SVIL: variants seen among roughly 807,000 people sequenced by gnomAD.
The protein encoded by SVIL is supervillin.
Under a neutral mutation model 240.4 loss-of-function variants are expected in SVIL, and 101 were observed. That is an observed-to-expected ratio of 0.42 (90% CI 0.36 to 0.50). The LOEUF (loss-of-function observed/expected upper bound fraction) is 0.50, where lower values mean the gene tolerates loss of function less well. SVIL is among the 20% of genes least tolerant of loss of function. SVIL has a pLI of 0.01. For missense variants in SVIL, 2,512 were observed against 2,818.7 expected (o/e 0.89, Z 2.46); for synonymous variants, 999 against 1,100.0 (o/e 0.91, Z 1.82).
chr10:29,634,717 T>A lies in SVIL; in HGVS notation c.-498A>T, dbSNP rs1183442161. On this transcript the variant is annotated 5_prime_UTR_variant, in exon 1 of 38. Transcript: ENST00000355867. ...CGATGATGATTCAGAACAGGATAAA[T>A]TTAGAATGGTGTTTTCCAAAAGGCT... The A allele has an allele frequency of 6.6e-6, 1 of 152,190 alleles. No individual in the cohort carries two copies. 9.4% of individuals were successfully genotyped at this position (152,190 alleles called of 1,614,324 possible). A position where few individuals can be genotyped will look rare whatever the true frequency, so the allele number is the denominator to read the frequency against.
intron 1 of SVIL, among the ~76,000 whole-genome samples, chr10:29,727,914 A>G (rs1462146095): frequency 6.6e-6 from 1 of 152,188 alleles, no homozygotes; most frequent in Non-Finnish European, 1.5e-5. Flanking sequence ...AGAACCTCCA[A>G]CTACCATCCT....
chr10:29,465,603 G>T lies in SVIL; in HGVS notation c.6125C>A (p.Pro2042His), dbSNP rs762876101. 1.2e-6 allele frequency: 2 copies of T among 1,609,458 alleles called. No homozygotes were observed. Among genetic ancestry groups the T allele is most frequent in the Non-Finnish European group, 1.7e-6 (2 of 1,177,562 alleles). The change falls in exon 34 of 38, where the codon CCC becomes CAC. Residue 2042 changes from proline to histidine, a missense_variant. Pro to His is a moderately conservative substitution (Grantham distance 77). Around this residue, in one of 3 missense-constraint regions of SVIL, gnomAD observed 797 missense variants for 925.3 expected, o/e 0.86. Transcript: ENST00000355867. ...PFLQEDLYSAPQPALFLVDNH... is the reference protein window; with the variant it reads ...PFLQEDLYSAHQPALFLVDNH... ...CCCCCTGCAGGCCTTACCTGGCTGG[G>T]GCGCGCTGTACAGATCTTCCTGCAG...
chr10:29,510,166 A>G (rs1177472669), intron 17 of SVIL, among the ~76,000 whole-genome samples: 2 of 152,218 alleles, frequency 1.3e-5, no homozygotes, highest in South Asian at 2.1e-4. Context: ...TGTTGGGACT[A>G]CAGGCACGGC....
chr10:29,457,976 C>G lies in SVIL; in HGVS notation c.*271G>C. 1 of 281,946 alleles carries G rather than the reference C, an allele frequency of 3.5e-6. No homozygotes were observed. The highest frequency in any genetic ancestry group is 6.6e-5 in the East Asian group (1 of 15,150). 17.5% of individuals were successfully genotyped at this position (281,946 alleles called of 1,614,324 possible). On this transcript the variant is annotated 3_prime_UTR_variant, in exon 38 of 38. Coordinates refer to ENST00000355867, the MANE Select transcript of SVIL (RefSeq NM_021738.3). ...AGCTGGAACAAGAAGGCAGTGCTAT[C>G]TATAGCAGCTGCGGCTTAAGTGCAC...
chr10:29,511,529 A>G (rs2007952579), intron 17 of SVIL, among the ~76,000 whole-genome samples: 1 of 152,032 alleles, frequency 6.6e-6, no homozygotes, highest in Non-Finnish European at 1.5e-5. Context: ...TCTTTTAAAT[A>G]AAGTTTGCGG....
At chr10:29,474,436 T>C (rs1945941971) in intron 29 of SVIL, among the ~76,000 whole-genome samples, 1 of 151,976 alleles carries the variant, frequency 6.6e-6, no homozygotes, top group African/African-American at 2.4e-5. Flanking sequence ...TCTAAAATAA[T>C]TTAAAGAAAT....
chr10:29,566,667 C>T (rs73596052), intron 2 of SVIL, among the ~76,000 whole-genome samples: 7,558 of 152,230 alleles, frequency 0.05, 599 homozygotes, highest in African/African-American at 0.17. Flanking sequence ...TTTTTTGGCT[C>T]ATCTGACGCT....
At chr10:29,590,164 T>G (rs1436733755) in intron 1 of SVIL, among the ~76,000 whole-genome samples, 1 of 35,996 alleles carries the variant, frequency 2.8e-5, no homozygotes, top group Non-Finnish European at 4.5e-5. Flanking sequence ...AGACTCCGTC[T>G]CAAAAAAAAA....
At chr10:29,510,244 C>G (rs909504751) in intron 17 of SVIL, among the ~76,000 whole-genome samples, 3 of 152,288 alleles carry the variant, frequency 2.0e-5, no homozygotes, top group African/African-American at 7.2e-5. Context: ...TGGCTGGAGC[C>G]CCTCAAATAT....
At chr10:29,602,450 C>T in intron 1 of SVIL, 1 of 294,394 alleles carries the variant, frequency 3.4e-6, no homozygotes, top group South Asian at 2.9e-5. Context: ...TACATACACT[C>T]TTCCATAAAA....
intron 1 of SVIL, among the ~76,000 whole-genome samples, chr10:29,708,520 C>T (rs964006923): frequency 1.3e-5 from 2 of 151,842 alleles, no homozygotes; most frequent in Non-Finnish European, 2.9e-5. Context: ...ACTTGGGTGG[C>T]TAAGGCAGGA....
At chr10:29,631,543 G>A (rs1036245038) in intron 1 of SVIL, among the ~76,000 whole-genome samples, 2 of 151,724 alleles carry the variant, frequency 1.3e-5, no homozygotes, top group African/African-American at 2.4e-5. Context: ...TTGGGAGGCC[G>A]AGGTGGGCAG....
chr10:29,508,264 A>C (rs1949525968), intron 17 of SVIL: 1 of 991,350 alleles, frequency 1.0e-6, no homozygotes. Context: ...CGAAGGAACC[A>C]CCCAGGATCA....
chr10:29,569,157 A>AAAC, intron 2 of SVIL, 98 bp downstream of exon 2: 1 of 497,036 alleles, frequency 2.0e-6, no homozygotes, highest in South Asian at 8.7e-5. Flanking sequence ...ACATATTGCC[A>AAAC]AACATTTAAA....
At position 29,701,387 on chromosome 10, in the gene SVIL, T is replaced by G. The variant is rs77457804; in HGVS notation, c.-399-14736A>C. ...GTTCCATCTGCAGCCAGCTTCATCA[T>G]TGGATTTTCCTATTATTCATGTCAA... On this transcript the variant is annotated intron_variant, in intron 1 of 35. Transcript: ENST00000375400. 2.4e-4 allele frequency among the ~76,000 whole-genome samples: 37 copies of G among 152,312 alleles called. 2 individuals are homozygous for G. The South Asian group carries it at 7.7e-3, about 32-fold the overall frequency.
intron 3 of SVIL, among the ~76,000 whole-genome samples, chr10:29,557,088 C>T (rs1204311469): frequency 6.6e-6 from 1 of 150,610 alleles, no homozygotes; most frequent in African/African-American, 2.4e-5. Context: ...CCTTTCTTTT[C>T]TTTTCTCCCC....
intron 2 of SVIL, among the ~76,000 whole-genome samples, chr10:29,659,042 C>T (rs552195206): frequency 4.6e-5 from 7 of 152,158 alleles, no homozygotes; most frequent in Non-Finnish European, 1.0e-4. Context: ...GAGGGGAAAC[C>T]CCACCTATGC....
intron 1 of SVIL, among the ~76,000 whole-genome samples, chr10:29,633,130 G>GGAGGT: frequency 1.3e-5 from 2 of 152,116 alleles, no homozygotes; most frequent in South Asian, 4.2e-4. Context: ...CAGTTACTTG[G>GGAGGT]GAGGTTGAGG....
Position 29,486,473 on chromosome 10 carries a change from T to G in SVIL, c.4570A>C (p.Asn1524His), listed in dbSNP as rs1947413125. ...TYIQTIEEGINTHTHAAKDFW... is the reference protein window; with the variant it reads ...TYIQTIEEGIHTHTHAAKDFW... ...TCTTTGGCTGCATGAGTGTGTGTATTAATTCCTTCTTCAATGGTTTGGATA... is the reference window on the plus strand; with the variant it reads ...TCTTTGGCTGCATGAGTGTGTGTATGAATTCCTTCTTCAATGGTTTGGATA... The change falls in exon 25 of 38, where the codon AAT becomes CAT. Residue 1524 changes from asparagine (N) to histidine (H), a missense_variant. This residue lies in a region of SVIL where 797 missense variants were observed against 925.3 expected (regional missense o/e 0.86). Coordinates refer to ENST00000355867, the MANE Select transcript of SVIL (RefSeq NM_021738.3). 6.2e-7 allele frequency: 1 copy of G among 1,614,106 alleles called. No individual in the cohort carries two copies. Among genetic ancestry groups the G allele is most frequent in the Non-Finnish European group, 8.5e-7 (1 of 1,180,042 alleles).
Sources: allele counts gnomAD v4.1 joint callset (sites outside exome capture counted in the v4.1 genomes callset), GRCh38; gene constraint gnomAD v4.1.1; regional missense constraint gnomAD v4.1.1; transcripts MANE v1.5; gene names NCBI Gene and HGNC (gene_info 2026-07-23, HGNC 2026-07-21).